Variants in WIPF1 observed in about 807,000 individuals in gnomAD.
WIPF1 encodes WAS/WASL interacting protein family member 1.
Under a neutral mutation model 35.4 loss-of-function variants are expected in WIPF1, and 13 were observed. The ratio of observed to expected loss-of-function variants is 0.37; its 90% CI spans 0.24 to 0.58. The LOEUF is 0.58. Ranked by LOEUF, WIPF1 falls within the 20% of genes least tolerant of loss-of-function variation. WIPF1 has a pLI of 0.74. For synonymous variants in WIPF1, 267 were observed against 266.3 expected (o/e 1.00, Z -0.02); for missense variants, 591 against 667.0 (o/e 0.89, Z 1.25).
At chr2:174,587,187 T>A (rs923493315) in intron 1 of WIPF1, among the ~76,000 whole-genome samples, 3 of 152,034 alleles carry the variant, frequency 2.0e-5, no homozygotes. Flanking sequence ...TTTATTTTTA[T>A]CTTTTATTTT....
chr2:174,569,577 CT>C (rs1435442656), intron 5 of WIPF1, among the ~76,000 whole-genome samples: 5 of 152,174 alleles, frequency 3.3e-5, no homozygotes, highest in Admixed American at 6.5e-5. Context: ...TTGTGGCACC[CT>C]GCTCCAAATC....
chr2:174,563,435 C>T (rs1320991905), intron 7 of WIPF1, among the ~76,000 whole-genome samples: 1 of 151,984 alleles, frequency 6.6e-6, no homozygotes, highest in Non-Finnish European at 1.5e-5. Flanking sequence ...TGTTGGTGTG[C>T]GCCTGTCCCA....
In WIPF1 at chr2:174,612,281, G is replaced by C. The variant is rs534337744; in HGVS notation, c.-38-26670C>G. On this transcript the variant is annotated intron_variant, in intron 1 of 8. Transcript: ENST00000272746. ...TTCCAGTGTTTTTCTTTCTTTTTGT[G>C]TTTGTATTTAAAATGGGATCATACT... is the stretch of plus-strand genomic sequence containing the variant. 2.0e-5 allele frequency among the ~76,000 whole-genome samples: 3 copies of C among 152,162 alleles called. No homozygotes were observed. In the South Asian group the frequency reaches 6.2e-4, roughly 32 times the overall value.
chr2:174,652,697 G>C (rs1264915157), intron 1 of WIPF1, among the ~76,000 whole-genome samples: 1 of 152,038 alleles, frequency 6.6e-6, no homozygotes, highest in Non-Finnish European at 1.5e-5. Context: ...CAGCCAGGCT[G>C]GCAGAGGAGT....
chr2:174,646,210 C>T (rs745998053), intron 1 of WIPF1, among the ~76,000 whole-genome samples: 13 of 152,298 alleles, frequency 8.5e-5, no homozygotes, highest in Non-Finnish European at 1.6e-4. Flanking sequence ...ATATGTAACA[C>T]GGGACCAAGA....
chr2:174,673,822 A>AT (rs1253825860), intron 1 of WIPF1: 3 of 105,858 alleles, frequency 2.8e-5, no homozygotes, highest in Admixed American at 2.3e-4. Context: ...AAACACTAAT[A>AT]TTAAAAAAAA....
intron 4 of WIPF1, among the ~76,000 whole-genome samples, chr2:174,573,543 T>A (rs1490453944): frequency 6.6e-6 from 1 of 151,914 alleles, no homozygotes; most frequent in Non-Finnish European, 1.5e-5. Flanking sequence ...GTACATGGAG[T>A]GGCTGGGGAC....
At chr2:174,635,525 G>GTTTTTTTTTTTTTTT (rs1179795195) in intron 1 of WIPF1, among the ~76,000 whole-genome samples, 3 of 126,180 alleles carry the variant, frequency 2.4e-5, no homozygotes, top group African/African-American at 6.3e-5. Flanking sequence ...GGTGCCTTCT[G>GTTTTTTTTTTTTTTT]TTTGTTTTTT....
intron 1 of WIPF1, among the ~76,000 whole-genome samples, chr2:174,648,519 A>G (rs1293793442): frequency 1.3e-5 from 2 of 152,222 alleles, no homozygotes; most frequent in Non-Finnish European, 2.9e-5. Flanking sequence ...AGTAACACTG[A>G]TGCAAGTGGA....
At chr2:174,647,301 C>A (rs1230759420) in intron 1 of WIPF1, among the ~76,000 whole-genome samples, 1 of 151,870 alleles carries the variant, frequency 6.6e-6, no homozygotes, top group Non-Finnish European at 1.5e-5. Flanking sequence ...TCCCTTCAGG[C>A]CAGGAGTCCG....
At chr2:174,678,538 C>T (rs1446807246) in intron 1 of WIPF1, among the ~76,000 whole-genome samples, 3 of 152,228 alleles carry the variant, frequency 2.0e-5, no homozygotes, top group Non-Finnish European at 2.9e-5. Context: ...CACCCCATGG[C>T]GTGGGTGCTG....
At chr2:174,649,822 GA>G (rs1198429955) in intron 1 of WIPF1, among the ~76,000 whole-genome samples, 1 of 152,156 alleles carries the variant, frequency 6.6e-6, no homozygotes, top group African/African-American at 2.4e-5. Flanking sequence ...TAGTAATCAA[GA>G]ATAATTCTGA....
intron 1 of WIPF1, among the ~76,000 whole-genome samples, chr2:174,611,935 C>T (rs75482826): frequency 6.6e-6 from 1 of 152,088 alleles, no homozygotes; most frequent in Non-Finnish European, 1.5e-5. Context: ...CCTGCTCTAT[C>T]ACCCAGGCCA....
At chr2:174,599,841 C>T (rs1685944275), upstream of WIPF1, among the ~76,000 whole-genome samples, 1 of 151,450 alleles carries the variant, frequency 6.6e-6, no homozygotes, top group Non-Finnish European at 1.5e-5. Flanking sequence ...CTCTCTCTCT[C>T]AGTACACATA....
At chr2:174,678,254 G>C (rs1688176252) in intron 1 of WIPF1, among the ~76,000 whole-genome samples, 1 of 152,164 alleles carries the variant, frequency 6.6e-6, no homozygotes, top group African/African-American at 2.4e-5. Flanking sequence ...CTTATTAGAA[G>C]AAGAAAAATA....
intron 1 of WIPF1, among the ~76,000 whole-genome samples, chr2:174,631,877 A>T (rs1448531608): frequency 1.3e-5 from 2 of 152,150 alleles, no homozygotes; most frequent in Non-Finnish European, 2.9e-5. Flanking sequence ...AACCAGGGTC[A>T]CTCAGACATC....
intron 1 of WIPF1, among the ~76,000 whole-genome samples, chr2:174,638,152 T>C (rs534314588): frequency 9.2e-5 from 14 of 152,328 alleles, no homozygotes; most frequent in South Asian, 8.3e-4. Context: ...CCAAGATACA[T>C]TGTACTCCAA....
chr2:174,581,454 T>C lies in WIPF1; in HGVS notation c.52-15A>G, dbSNP rs942640115. 10 of 1,612,434 alleles carry C rather than the reference T, an allele frequency of 6.2e-6. No homozygotes were observed. In the African/African-American group the frequency reaches 9.4e-5, roughly 15 times the overall value. On this transcript the variant is annotated splice_polypyrimidine_tract_variant and intron_variant, in intron 2 of 7. Coordinates refer to ENST00000679041, the MANE Select transcript of WIPF1 (RefSeq NM_001375834.1). The stretch of plus-strand genomic sequence containing the variant: ...TCTGTATTGGCCTGAAAGGGAGCCA[T>C]ACAAACAAGTAGTCATCTCTTGGGT...
Position 174,572,180 on chromosome 2 carries a change from C to T in WIPF1, c.625G>A (p.Gly209Ser), listed in dbSNP as rs778283882. 8.7e-6 allele frequency: 14 copies of T among 1,613,918 alleles called. No homozygotes were observed. The East Asian group carries it at 2.5e-4, about 28-fold the overall frequency. Residue 209 changes from glycine (G) to serine (S), a missense_variant, in exon 5 of 8, where the codon GGC becomes AGC. Around this residue, in one of 3 missense-constraint regions of WIPF1, gnomAD observed 471 missense variants for 501.1 expected, o/e 0.94. Transcript: ENST00000679041. ...GGCCCGGGGCTGGGCTGCCTGGGGC[C>T]TCCGGGCACTGGTGGGGACCCCCGG... ...HNRGSPPVPG[G>S]PRQPSPGPTP...
Sources: allele counts gnomAD v4.1 joint callset (sites outside exome capture counted in the v4.1 genomes callset), GRCh38; gene constraint gnomAD v4.1.1; regional missense constraint gnomAD v4.1.1; transcripts MANE v1.5; gene names NCBI Gene and HGNC (gene_info 2026-07-23, HGNC 2026-07-21).